MAML2: variants seen among roughly 807,000 people sequenced by gnomAD.
The protein encoded by MAML2 is mastermind like transcriptional coactivator 2.
In MAML2, 22 loss-of-function variants were observed where a neutral mutation model predicts 96.1. That is an observed-to-expected ratio of 0.23 (90% CI 0.16 to 0.33). MAML2 has a LOEUF of 0.33. MAML2 is among the 10% of genes least tolerant of loss of function. MAML2 has a pLI of 1.00. For missense variants in MAML2, 1,367 were observed against 1,392.4 expected (o/e 0.98, Z 0.29); for synonymous variants, 561 against 521.3 (o/e 1.08, Z -1.04).
chr11:96,138,263 A>G (rs1860669214), intron 1 of MAML2, among the ~76,000 whole-genome samples: 1 of 152,160 alleles, frequency 6.6e-6, no homozygotes, highest in South Asian at 2.1e-4. Context: ...TGTTGGCTGA[A>G]TCCCTGAAAG....
rs1317980647 is a variant in MAML2 at position 96,194,652 on chromosome 11, G to A, written c.514-101135C>T. ...ATGTTGCCTTCTTTTGTTCACAGGA[G>A]CTAAATGTGCCTCTTCTTTATTAGC... On this transcript the variant is annotated intron_variant, in intron 1 of 4. Transcript: ENST00000524717. 2.0e-5 allele frequency among the ~76,000 whole-genome samples: 3 copies of A among 152,206 alleles called. No homozygotes were observed. The South Asian group carries it at 6.2e-4, about 31-fold the overall frequency.
At chr11:96,028,558 T>C (rs1324441433) in intron 2 of MAML2, among the ~76,000 whole-genome samples, 3 of 152,234 alleles carry the variant, frequency 2.0e-5, no homozygotes, top group Admixed American at 6.5e-5. Flanking sequence ...TTTTCACTCC[T>C]ATATCCTTAG....
chr11:96,185,117 A>G (rs1861553344), intron 1 of MAML2, among the ~76,000 whole-genome samples: 1 of 151,272 alleles, frequency 6.6e-6, no homozygotes, highest in Admixed American at 6.6e-5. Context: ...TATGAGATGT[A>G]TGAGTGAGAA....
intron 3 of MAML2, among the ~76,000 whole-genome samples, chr11:95,985,916 A>G (rs774502079): frequency 6.6e-6 from 1 of 152,162 alleles, no homozygotes; most frequent in Non-Finnish European, 1.5e-5. Context: ...TTGCAATTCA[A>G]TTTCAATGAG....
intron 1 of MAML2, among the ~76,000 whole-genome samples, chr11:96,300,037 G>C (rs1863365742): frequency 1.3e-5 from 2 of 152,118 alleles, no homozygotes; most frequent in Admixed American, 1.3e-4. Context: ...AGATAATAGA[G>C]GTTTTAATAA....
At chr11:96,134,722 A>G (rs1860599897) in intron 1 of MAML2, among the ~76,000 whole-genome samples, 2 of 152,232 alleles carry the variant, frequency 1.3e-5, no homozygotes, top group Non-Finnish European at 2.9e-5. Flanking sequence ...TGTTTCAACT[A>G]ATCCAGCCAG....
chr11:96,248,425 A>C (rs1363549999), intron 1 of MAML2, among the ~76,000 whole-genome samples: 2 of 152,022 alleles, frequency 1.3e-5, no homozygotes, highest in African/African-American at 4.8e-5. Context: ...TTTACTTTTT[A>C]ATGTGGCTAC....
chr11:96,104,677 G>C (rs987306146), intron 1 of MAML2, among the ~76,000 whole-genome samples: 3 of 152,148 alleles, frequency 2.0e-5, no homozygotes, highest in Non-Finnish European at 2.9e-5. Flanking sequence ...AGATATGGAA[G>C]GCTGCCTATA....
chr11:96,038,292 C>T (rs545890443), intron 2 of MAML2, among the ~76,000 whole-genome samples: 2 of 152,170 alleles, frequency 1.3e-5, no homozygotes, highest in Non-Finnish European at 2.9e-5. Context: ...ATTATATCGA[C>T]ATACACATCT....
intron 1 of MAML2, among the ~76,000 whole-genome samples, chr11:96,218,112 C>T (rs991196110): frequency 6.6e-6 from 1 of 152,178 alleles, no homozygotes; most frequent in Admixed American, 6.5e-5. Flanking sequence ...CTTTCTGCGT[C>T]GAGGTACTTG....
At chr11:96,179,046 G>T (rs1413479336) in intron 1 of MAML2, among the ~76,000 whole-genome samples, 2 of 152,150 alleles carry the variant, frequency 1.3e-5, no homozygotes, top group Admixed American at 6.6e-5. Context: ...GGGTTCATCT[G>T]CTTTTGTCTC....
chr11:96,296,325 AC>A (rs1863298549), intron 1 of MAML2, among the ~76,000 whole-genome samples: 1 of 152,212 alleles, frequency 6.6e-6, no homozygotes, highest in Non-Finnish European at 1.5e-5. Flanking sequence ...GGAAAAGTTC[AC>A]AGTGAAGTAT....
At chr11:96,333,776 C>A (rs1391885560) in intron 1 of MAML2, among the ~76,000 whole-genome samples, 4 of 152,162 alleles carry the variant, frequency 2.6e-5, no homozygotes, top group African/African-American at 7.2e-5. Flanking sequence ...AAGCGTCTAA[C>A]CTTTTGTGGC....
chr11:96,211,201 CTGTTAGCATCTTGA>C (rs1861965634), intron 1 of MAML2, among the ~76,000 whole-genome samples: 1 of 152,134 alleles, frequency 6.6e-6, no homozygotes, highest in Admixed American at 6.5e-5. Context: ...TAATTTTACA[CTGTTAGCATCTTGA>C]TGTGATATCA....
Position 96,312,628 on chromosome 11 carries a change from G to A in MAML2, c.513+28755C>T, listed in dbSNP as rs191256280. ...TCTAGGAAGTATGAGGCAGAGCACA[G>A]AAAGTAATATTCAGGCTATCCACTA... On this transcript the variant is annotated intron_variant, in intron 1 of 4. Transcript: ENST00000524717. Among the ~76,000 whole-genome samples, 373 of 152,338 alleles carry A rather than the reference G, an allele frequency of 2.4e-3. 2 individuals carry two copies. Among genetic ancestry groups the A allele is most frequent in the African/African-American group, 8.5e-3 (352 of 41,586 alleles).
At chr11:96,178,164 A>G (rs1293156937) in intron 1 of MAML2, among the ~76,000 whole-genome samples, 2 of 152,072 alleles carry the variant, frequency 1.3e-5, no homozygotes, top group Non-Finnish European at 2.9e-5. Context: ...AACACATTAA[A>G]AGTGATTAGA....
At chr11:95,987,537 T>C (rs575403566) in intron 3 of MAML2, among the ~76,000 whole-genome samples, 1 of 152,224 alleles carries the variant, frequency 6.6e-6, no homozygotes, top group Non-Finnish European at 1.5e-5. Context: ...AGTCAACAAA[T>C]AGAAAAGAAA....
At chr11:96,052,188 T>A (rs1859000049) in intron 2 of MAML2, among the ~76,000 whole-genome samples, 1 of 152,178 alleles carries the variant, frequency 6.6e-6, no homozygotes, top group Admixed American at 6.5e-5. Flanking sequence ...CAGGAACATA[T>A]TTGTTAAGTG....
At chr11:96,111,715 A>G (rs1475810123) in intron 1 of MAML2, among the ~76,000 whole-genome samples, 4 of 152,226 alleles carry the variant, frequency 2.6e-5, no homozygotes, top group African/African-American at 9.6e-5. Context: ...TCCATAATTA[A>G]AGAAAAGCTT....
Sources: gnomAD v4.1 joint callset for allele counts (sites outside exome capture counted in the v4.1 genomes callset) on GRCh38, gnomAD v4.1.1 for gene constraint, MANE v1.5 for transcripts, NCBI Gene and HGNC (gene_info 2026-07-23, HGNC 2026-07-21) for gene names.